The following PHACTR3 variants were observed in gnomAD, a reference collection of about 807,000 sequenced individuals.
The protein encoded by PHACTR3 is phosphatase and actin regulator 3.
In PHACTR3, 16 loss-of-function variants were observed where a neutral mutation model predicts 66.8. That is an observed-to-expected ratio of 0.24 (90% confidence interval 0.16 to 0.36). PHACTR3 has a LOEUF of 0.36. Among genes scored for constraint, PHACTR3 ranks in the 10% least tolerant of loss-of-function variants. The pLI, the probability that PHACTR3 is intolerant of heterozygous loss-of-function variation, is 1.00. For synonymous variants in PHACTR3, 323 were observed against 292.1 expected, an observed-to-expected ratio of 1.11 and a Z score of -1.08; for missense variants, 647 against 719.9, an observed-to-expected ratio of 0.90 and a Z score of 1.16.
At chr20:59,636,016 T>C (rs535275346) in intron 1 of PHACTR3, among the ~76,000 whole-genome samples, 1 of 152,360 alleles carries the variant, frequency 6.6e-6, no homozygotes, top group East Asian at 1.9e-4. Flanking sequence ...ACAGAAAATG[T>C]TAGAAGCTGC....
intron 4 of PHACTR3, among the ~76,000 whole-genome samples, chr20:59,756,098 G>A (rs746942293): frequency 6.6e-6 from 1 of 152,136 alleles, no homozygotes; most frequent in Non-Finnish European, 1.5e-5. Context: ...ATAGACCAGG[G>A]CGCTTCCCAA....
At chr20:59,766,523 G>A (rs190316053) in intron 4 of PHACTR3, among the ~76,000 whole-genome samples, 3 of 152,170 alleles carry the variant, frequency 2.0e-5, no homozygotes, top group Admixed American at 6.5e-5. Context: ...GGATGGGCAG[G>A]CTGAGGGGTG....
At chr20:59,633,257 C>T (rs961582853) in intron 1 of PHACTR3, among the ~76,000 whole-genome samples, 8 of 152,122 alleles carry the variant, frequency 5.3e-5, no homozygotes, top group Admixed American at 1.3e-4. Flanking sequence ...AACCCAAATG[C>T]CCATCAATGA....
At chr20:59,655,484 T>C (rs1217599533) in intron 1 of PHACTR3, among the ~76,000 whole-genome samples, 1 of 151,946 alleles carries the variant, frequency 6.6e-6, no homozygotes, top group Non-Finnish European at 1.5e-5. Context: ...ATTTCTGTGA[T>C]ATTGGTAGTG....
intron 7 of PHACTR3, among the ~76,000 whole-genome samples, chr20:59,800,152 ATAC>A (rs1386124208): frequency 6.6e-6 from 1 of 152,210 alleles, no homozygotes; most frequent in Non-Finnish European, 1.5e-5. Flanking sequence ...TATAAACCTC[ATAC>A]TACTTTATTT....
At chr20:59,828,852 G>A (rs1008370028) in intron 8 of PHACTR3, among the ~76,000 whole-genome samples, 2 of 152,098 alleles carry the variant, frequency 1.3e-5, no homozygotes, top group African/African-American at 4.8e-5. Flanking sequence ...TGCTGCTGTG[G>A]GCAGGGAGGT....
chr20:59,816,053 A>T (rs1220709714), intron 8 of PHACTR3, among the ~76,000 whole-genome samples: 1 of 152,052 alleles, frequency 6.6e-6, no homozygotes, highest in Non-Finnish European at 1.5e-5. Context: ...TATATAATGA[A>T]GTTATTATAC....
chr20:59,626,116 T>C (rs1325077669), intron 1 of PHACTR3, among the ~76,000 whole-genome samples: 1 of 152,136 alleles, frequency 6.6e-6, no homozygotes, highest in Non-Finnish European at 1.5e-5. Flanking sequence ...ATGAAACCAT[T>C]CTGAACTCTC....
At chr20:59,764,801 T>G in intron 4 of PHACTR3, among the ~76,000 whole-genome samples, 1 of 152,064 alleles carries the variant, frequency 6.6e-6, no homozygotes, top group South Asian at 2.1e-4. Context: ...AAGGACCATA[T>G]TAAAGGACTT....
intron 1 of PHACTR3, among the ~76,000 whole-genome samples, chr20:59,616,841 T>G (rs1175843838): frequency 6.6e-6 from 1 of 152,090 alleles, no homozygotes; most frequent in Non-Finnish European, 1.5e-5. Context: ...AATTTATAAT[T>G]TAGCTCATTT....
At position 59,806,097 on chromosome 20, in the gene PHACTR3, C is replaced by T; in HGVS notation, c.1231C>T (p.Pro411Ser). 6.2e-7 allele frequency: 1 copy of T among 1,614,228 alleles called. No homozygotes were observed. The highest frequency in any genetic ancestry group is 2.2e-5 in the East Asian group (1 of 44,884). ...ELLAVKLRNR[P>S]SKQELEDRNI... Reference sequence around the variant, plus strand: ...CCTGGCCGTGAAGCTAAGGAACCGGCCAAGCAAACAGGAACTAGAAGACCG... The same window carrying T: ...CCTGGCCGTGAAGCTAAGGAACCGGTCAAGCAAACAGGAACTAGAAGACCG... Residue 411 changes from proline to serine, a missense_variant, in exon 8 of 13, where the codon CCA (proline) becomes TCA (serine). Pro to Ser is a moderately conservative substitution (Grantham distance 74, BLOSUM62 -1). Transcript: ENST00000371015.
chr20:59,730,423 T>C (rs886391541), intron 1 of PHACTR3, among the ~76,000 whole-genome samples: 2 of 152,038 alleles, frequency 1.3e-5, no homozygotes, highest in Non-Finnish European at 2.9e-5. Context: ...GGCTCTGGGG[T>C]TACAGTGGGG....
At chr20:59,722,144 A>G (rs939010193) in intron 1 of PHACTR3, among the ~76,000 whole-genome samples, 7 of 152,112 alleles carry the variant, frequency 4.6e-5, no homozygotes, top group Non-Finnish European at 7.4e-5. Flanking sequence ...AGGCAGGAGA[A>G]TGGTGTGAAC....
chr20:59,824,336 C>T (rs531770768), intron 8 of PHACTR3, among the ~76,000 whole-genome samples: 2 of 152,334 alleles, frequency 1.3e-5, no homozygotes, highest in East Asian at 1.9e-4. Flanking sequence ...CTCTCACTCA[C>T]AGCCTCTCTC....
chr20:59,603,963 GGGGT>G (rs2033563317), upstream of PHACTR3: 1 of 152,358 alleles, frequency 6.6e-6, no homozygotes, highest in South Asian at 2.1e-4. Context: ...GCAGCCCTGG[GGGGT>G]GTCGCCTCCC....
chr20:59,742,901 G>A lies in PHACTR3; in HGVS notation c.119-206G>A, dbSNP rs1280125045. On this transcript the variant is annotated intron_variant, in intron 1 of 12. Coordinates refer to ENST00000371015, the MANE Select transcript of PHACTR3 (RefSeq NM_080672.5). ...TCTGGTGGCCGTGAGTGGGTCGCAG[G>A]AGGGAGGGTCTCACAGAGGGAAATT... Among the ~76,000 whole-genome samples, 3 of 152,208 alleles carry A rather than the reference G, an allele frequency of 2.0e-5. No individual in the cohort carries two copies. In the South Asian group the frequency reaches 6.2e-4, roughly 31 times the overall value.
chr20:59,683,189 A>G (rs1223099798), intron 1 of PHACTR3, among the ~76,000 whole-genome samples: 2 of 152,010 alleles, frequency 1.3e-5, no homozygotes, highest in African/African-American at 4.8e-5. Context: ...AGAAGGATAG[A>G]GCGTTGGTCC....
At chr20:59,764,436 A>G (rs562337212) in intron 4 of PHACTR3, among the ~76,000 whole-genome samples, 2 of 152,172 alleles carry the variant, frequency 1.3e-5, no homozygotes, top group Non-Finnish European at 2.9e-5. Context: ...GAGTAGCTCT[A>G]GACAAACCTT....
rs1040154838 is a variant in PHACTR3, at chr20:59,820,048, G to C, written c.1328+13854G>C. On this transcript the variant is annotated intron_variant, in intron 8 of 12. Transcript: ENST00000371015. This position sits in a 1 kb window ranked among gnomAD's most constrained non-coding sequence, Gnocchi z 4.6. ...CAGGGGGACCGTTGCTGGGGCTTCC[G>C]GTCTCTCTTTGTTTAGAAATCTCAG... is the stretch of plus-strand genomic sequence containing the variant. Among the ~76,000 whole-genome samples, 1 of 152,134 alleles carries C rather than the reference G, an allele frequency of 6.6e-6. No individual in the cohort carries two copies. Among genetic ancestry groups the C allele is most frequent in the Non-Finnish European group, 1.5e-5 (1 of 68,022 alleles).
Sources: allele counts gnomAD v4.1 joint callset (sites outside exome capture counted in the v4.1 genomes callset), GRCh38; gene constraint gnomAD v4.1.1; non-coding constraint Gnocchi (gnomAD v3.1); transcripts MANE v1.5; gene names NCBI Gene and HGNC (gene_info 2026-07-23, HGNC 2026-07-21).